Variants in PRCD observed in about 807,000 individuals in gnomAD.
PRCD encodes the protein photoreceptor disc component, also known as photoreceptor disk component PRCD.
Under a neutral mutation model 10.1 loss-of-function variants are expected in PRCD, and 12 were observed. The observed-to-expected ratio is 1.18, with a 90% confidence interval of 0.76 to 1.92. The LOEUF is 1.92. Among genes scored for constraint, PRCD ranks in the 40% most tolerant of loss-of-function variants. The pLI, the probability that PRCD is intolerant of heterozygous loss-of-function variation, is 0.00. For missense variants in PRCD, 61 were observed against 72.2 expected (o/e 0.84, Z 0.56); for synonymous variants, 31 against 26.2 (o/e 1.18, Z -0.56).
At chr17:76,547,722 T>C (rs1598218494), downstream of PRCD, among the ~76,000 whole-genome samples, 1 of 135,208 alleles carries the variant, frequency 7.4e-6, no homozygotes, top group African/African-American at 2.9e-5. Context: ...CAGAGACACA[T>C]ACATTCACAC....
downstream of PRCD, among the ~76,000 whole-genome samples, chr17:76,547,942 TCA>T (rs1567915672): frequency 1.4e-5 from 2 of 146,252 alleles, no homozygotes; most frequent in African/African-American, 2.6e-5. Flanking sequence ...ACAAACATAT[TCA>T]CACACATATA....
At position 76,545,000 on chromosome 17, in the gene PRCD, G is replaced by T; in HGVS notation, c.*1350G>T. The T allele has an allele frequency of 2.2e-6, 1 of 456,224 alleles. No homozygotes were observed. The highest frequency in any genetic ancestry group is 4.4e-6 in the Non-Finnish European group (1 of 226,772). 28.3% of individuals were successfully genotyped at this position (456,224 alleles called of 1,614,324 possible). A position where few individuals can be genotyped will look rare whatever the true frequency, so the allele number is the denominator to read the frequency against. ...GGAAGGGGCTGCTGGCGGCCAGCGG[G>T]GCTGTGGCTGCCTGGGCTTGGAGGT... On this transcript the variant is annotated 3_prime_UTR_variant, in exon 5 of 5. Coordinates refer to ENST00000592014, the MANE Select transcript of PRCD (RefSeq NM_001077620.3).
At chr17:76,536,650 G>A (rs904666632), upstream of PRCD, among the ~76,000 whole-genome samples, 6 of 152,150 alleles carry the variant, frequency 3.9e-5, no homozygotes, top group Admixed American at 3.9e-4. Context: ...GTCTCTTGGG[G>A]GCATGTAGTG....
At chr17:76,542,142 G>A (rs186587162) in intron 2 of PRCD, among the ~76,000 whole-genome samples, 82 of 152,322 alleles carry the variant, frequency 5.4e-4, no homozygotes, top group African/African-American at 1.9e-3. Context: ...TGGCTAATGC[G>A]GGATGCTCAG....
In PRCD at chr17:76,531,679, G is replaced by A. The variant is rs1444894939; in HGVS notation, n.45+3846G>A. On this transcript the variant is annotated intron_variant and non_coding_transcript_variant, in intron 1 of 4. Coordinates refer to the PRCD transcript ENST00000397633. This position sits in a 1 kb window ranked among gnomAD's most constrained non-coding sequence, Gnocchi z 7.4. ...TGAAGTACTGCTTGGCCGAGGGGAA[G>A]TTCACAAAGAACCTGGCAAGAGGAA... 8.2e-6 allele frequency: 13 copies of A among 1,594,706 alleles called. No homozygotes were observed. Among genetic ancestry groups the A allele is most frequent in the Non-Finnish European group, 1.1e-5 (13 of 1,164,382 alleles).
downstream of PRCD, chr17:76,547,463 T>C (rs1236389222): frequency 2.6e-5 from 4 of 152,248 alleles, no homozygotes; most frequent in African/African-American, 7.2e-5. Flanking sequence ...CCGCTGACAG[T>C]GGGAAGCCAG....
intron 4 of PRCD, 46 bp downstream of exon 4, chr17:76,543,167 C>T (rs1259829255): frequency 2.2e-6 from 1 of 461,524 alleles, no homozygotes; most frequent in Non-Finnish European, 4.5e-6. Context: ...CTCCCCTTCC[C>T]CCAGGCCCTG....
rs528734522 is a variant in PRCD, at chr17:76,528,965, G to C, written n.45+1132G>C. The C allele has an allele frequency of 1.9e-6, 2 of 1,045,768 alleles. No individual in the cohort carries two copies. The highest frequency in any genetic ancestry group is 3.4e-5 in the African/African-American group (2 of 59,556). The allele number at this position is 1,045,768 out of a possible 1,614,324, so 64.8% of individuals were successfully genotyped here. On this transcript the variant is annotated intron_variant and non_coding_transcript_variant, in intron 1 of 4. Coordinates refer to the PRCD transcript ENST00000397633. The surrounding 1 kb of genome is among the most constrained non-coding windows in gnomAD (Gnocchi z 5.8). The stretch of plus-strand genomic sequence containing the variant: ...TTCTGAAACGTGGCGCATTCTGTCC[G>C]GCCTGTCTCGTCCCTCCTCGGGCCA...
At chr17:76,552,885 T>TATATATATATAA (rs2075122745) in intron 1 of PRCD, 1 of 120,068 alleles carries the variant, frequency 8.3e-6, no homozygotes, top group Non-Finnish European at 1.7e-5. Flanking sequence ...AAAAAAAATA[T>TATATATATATAA]ATATATATAT....
At chr17:76,538,135 C>G (rs1161492840), upstream of PRCD, 2 of 158,198 alleles carry the variant, frequency 1.3e-5, no homozygotes, top group African/African-American at 4.8e-5. Flanking sequence ...GACTCAAAGT[C>G]CAACACTCCC....
rs1226570668 is a variant in PRCD, at chr17:76,544,653, A to C, written c.*1003A>C. 2.2e-6 allele frequency: 1 copy of C among 456,730 alleles called. No individual in the cohort carries two copies. The highest frequency in any genetic ancestry group is 1.5e-5 in the South Asian group (1 of 64,574). 28.3% of individuals were successfully genotyped at this position (456,730 alleles called of 1,614,324 possible). A position where few individuals can be genotyped will look rare whatever the true frequency, so the allele number is the denominator to read the frequency against. On this transcript the variant is annotated 3_prime_UTR_variant, in exon 5 of 5. Coordinates refer to ENST00000592014, the MANE Select transcript of PRCD (RefSeq NM_001077620.3). The stretch of plus-strand genomic sequence containing the variant: ...CCTGTCAGCCTGTCTCTCTCTTTGG[A>C]GGCATCGGCCTTCCTGGTGACAGGC...
upstream of PRCD, chr17:76,537,607 C>A: frequency 5.8e-6 from 6 of 1,034,146 alleles, no homozygotes; most frequent in South Asian, 1.8e-4. Flanking sequence ...GGGCGCGGGG[C>A]GCGGGGCGCC....
At chr17:76,539,455 C>T (rs62086576), upstream of PRCD, among the ~76,000 whole-genome samples, 8,909 of 152,174 alleles carry the variant, frequency 0.059, 387 homozygotes, top group Non-Finnish European at 0.093. Context: ...CTGAAGAGGG[C>T]GTGTAATCAG....
chr17:76,532,469 C>G (rs1307709005), intron 1 of PRCD, among the ~76,000 whole-genome samples: 1 of 151,894 alleles, frequency 6.6e-6, no homozygotes, highest in Non-Finnish European at 1.5e-5. Context: ...TCCCAAGGCT[C>G]TCACGCACCC....
chr17:76,545,015 G>T lies in PRCD; in HGVS notation c.*1365G>T, dbSNP rs987514815. ...CGGCCAGCGGGGCTGTGGCTGCCTG[G>T]GCTTGGAGGTTGCCTGGGCAGCTGG... is the stretch of plus-strand genomic sequence containing the variant. On this transcript the variant is annotated 3_prime_UTR_variant, in exon 5 of 5. Coordinates refer to ENST00000592014, the MANE Select transcript of PRCD (RefSeq NM_001077620.3). 10 of 455,406 alleles carry T rather than the reference G, an allele frequency of 2.2e-5. No homozygotes were observed. Among genetic ancestry groups the T allele is most frequent in the African/African-American group, 2.0e-4 (10 of 50,066 alleles). The allele number at this position is 455,406 out of a possible 1,614,324, so 28.2% of individuals were successfully genotyped here. A position where few individuals can be genotyped will look rare whatever the true frequency, so the allele number is the denominator to read the frequency against.
chr17:76,549,107 C>T (rs2075083100), downstream of PRCD, among the ~76,000 whole-genome samples: 1 of 152,164 alleles, frequency 6.6e-6, no homozygotes, highest in East Asian at 1.9e-4. Context: ...AAAGCACTAA[C>T]CAGAAAAGAA....
chr17:76,543,814 C>T lies in PRCD; in HGVS notation c.*164C>T, dbSNP rs1438872008. On this transcript the variant is annotated 3_prime_UTR_variant, in exon 5 of 5. Coordinates refer to ENST00000592014, the MANE Select transcript of PRCD (RefSeq NM_001077620.3). ...TTGCCTTTCCCCAGTTCCCAGAGCT[C>T]ATCCTGTCACTGGCTGCTCTGCTGA... The T allele has an allele frequency of 2.1e-6, 1 of 470,964 alleles. No homozygotes were observed. Among genetic ancestry groups the T allele is most frequent in the African/African-American group, 2.0e-5 (1 of 50,094 alleles). 29.2% of individuals were successfully genotyped at this position (470,964 alleles called of 1,614,324 possible).
At chr17:76,541,062 C>T (rs1455225011) in intron 2 of PRCD, among the ~76,000 whole-genome samples, 1 of 152,222 alleles carries the variant, frequency 6.6e-6, no homozygotes, top group Non-Finnish European at 1.5e-5. Context: ...TGGGCAGACC[C>T]TGCGGGCAGG....
At chr17:76,537,429 G>A (rs143617436), upstream of PRCD, 24 of 1,598,290 alleles carry the variant, frequency 1.5e-5, no homozygotes, top group African/African-American at 3.3e-4. Flanking sequence ...CCACGTCCTC[G>A]CAGTTGGCAT....
Sources: gnomAD v4.1 joint callset for allele counts (sites outside exome capture counted in the v4.1 genomes callset) on GRCh38, gnomAD v4.1.1 for gene constraint, Gnocchi (gnomAD v3.1) non-coding constraint, MANE v1.5 for transcripts, NCBI Gene and HGNC (gene_info 2026-07-23, HGNC 2026-07-21) for gene names.